The following PARD3B variants were observed in gnomAD, a reference collection of about 807,000 sequenced individuals.
PARD3B encodes par-3 family cell polarity regulator beta, also known as partitioning defective 3 homolog B.
A neutral mutation model predicts 130.2 loss-of-function variants in PARD3B; 103 were observed. The observed-to-expected ratio is 0.79, with a 90% CI of 0.67 to 0.93. PARD3B has a LOEUF of 0.93. PARD3B is among the 40% of genes least tolerant of loss of function. The pLI, the probability that PARD3B is intolerant of heterozygous loss-of-function variation, is 0.00. For synonymous variants in PARD3B, 583 were observed against 553.2 expected, an observed-to-expected ratio of 1.05 and a Z score of -0.76; for missense variants, 1,609 against 1,499.2, an observed-to-expected ratio of 1.07 and a Z score of -1.21.
At chr2:205,329,085 C>T (rs1159130017) in intron 18 of PARD3B, among the ~76,000 whole-genome samples, 2 of 152,094 alleles carry the variant, frequency 1.3e-5, no homozygotes, top group African/African-American at 2.4e-5. Flanking sequence ...GCATGCCATT[C>T]ATTCATCTGA....
rs2040654092 is a variant in PARD3B, at chr2:205,269,915, A to G, written c.2185+24093A>G. ...TATAACATGTAATTTTTTCCCTAGA[A>G]TACAGCAAATAATAACTGAAGATTT... On this transcript the variant is annotated intron_variant, in intron 16 of 22. Transcript: ENST00000406610. The surrounding 1 kb of genome is among the most constrained non-coding windows in gnomAD (Gnocchi z 4.7). Among the ~76,000 whole-genome samples the G allele has an allele frequency of 6.6e-6, 1 of 152,190 alleles. No individual in the cohort carries two copies. Among genetic ancestry groups the G allele is most frequent in the African/African-American group, 2.4e-5 (1 of 41,460 alleles).
chr2:205,552,482 C>T lies in PARD3B; in HGVS notation c.3181-842C>T, dbSNP rs546651626. 2.6e-5 allele frequency among the ~76,000 whole-genome samples: 4 copies of T among 152,132 alleles called. No individual in the cohort carries two copies. In the South Asian group the frequency reaches 8.3e-4, roughly 32 times the overall value. ...GGAGTGCAGTGGCGTGATGTGGGCTCACTGCAACCTCTGCCTCCCGGGTTC... is the reference window on the plus strand; with the variant it reads ...GGAGTGCAGTGGCGTGATGTGGGCTTACTGCAACCTCTGCCTCCCGGGTTC... On this transcript the variant is annotated intron_variant, in intron 21 of 22. Transcript: ENST00000406610.
intron 19 of PARD3B, among the ~76,000 whole-genome samples, chr2:205,426,167 C>T (rs184070039): frequency 1.4e-3 from 211 of 152,116 alleles, no homozygotes; most frequent in Non-Finnish European, 2.5e-3. Context: ...AATATTAATG[C>T]AGTTAAAATA....
At chr2:205,154,342 A>G (rs2033969020) in intron 10 of PARD3B, among the ~76,000 whole-genome samples, 1 of 152,314 alleles carries the variant, frequency 6.6e-6, no homozygotes, top group African/African-American at 2.4e-5. Flanking sequence ...CAAAACCACC[A>G]TGAGACACCA....
chr2:205,381,317 A>G (rs1046865717), intron 18 of PARD3B, among the ~76,000 whole-genome samples: 1 of 147,956 alleles, frequency 6.8e-6, no homozygotes, highest in Non-Finnish European at 1.5e-5. Flanking sequence ...AAAATTCACA[A>G]TTTTTTGTCA....
chr2:205,259,105 T>G (rs2105754887), intron 16 of PARD3B, among the ~76,000 whole-genome samples: 1 of 152,308 alleles, frequency 6.6e-6, no homozygotes, highest in South Asian at 2.1e-4. Flanking sequence ...TTTTGTTTTC[T>G]TTCTTATTTT....
intron 4 of PARD3B, among the ~76,000 whole-genome samples, chr2:205,096,636 A>G (rs773663720): frequency 1.1e-4 from 16 of 152,186 alleles, no homozygotes; most frequent in Non-Finnish European, 1.9e-4. Flanking sequence ...ATATGCATTC[A>G]GGTAATTTAT....
intron 20 of PARD3B, among the ~76,000 whole-genome samples, chr2:205,479,574 A>T (rs4331484): frequency 0.48 from 72,726 of 152,052 alleles, 18,126 homozygotes; most frequent in Admixed American, 0.62. Flanking sequence ...TGTGCTTAGG[A>T]AAAAATGCAC....
intron 3 of PARD3B, among the ~76,000 whole-genome samples, chr2:204,975,741 T>G (rs1354098183): frequency 2.0e-5 from 3 of 152,240 alleles, no homozygotes; most frequent in Non-Finnish European, 2.9e-5. Flanking sequence ...CCCTCTATTC[T>G]GACACAAAAT....
rs543623048 is a variant in PARD3B at position 205,407,730 on chromosome 2, C to T, written c.2741+6607C>T. Among the ~76,000 whole-genome samples the T allele has an allele frequency of 2.0e-5, 3 of 152,102 alleles. No homozygotes were observed. Among genetic ancestry groups the T allele is most frequent in the African/African-American group, 7.2e-5 (3 of 41,490 alleles). On this transcript the variant is annotated intron_variant, in intron 19 of 22. Transcript: ENST00000406610. The surrounding 1 kb of genome is among the most constrained non-coding windows in gnomAD (Gnocchi z 4.1). ...CTGAGAAAAATATCTCCACTGACACCAAAGACTGTCTTCCATTGAAGTCCC... is the reference window on the plus strand; with the variant it reads ...CTGAGAAAAATATCTCCACTGACACTAAAGACTGTCTTCCATTGAAGTCCC...
intron 3 of PARD3B, among the ~76,000 whole-genome samples, chr2:204,998,217 T>A (rs1051700912): frequency 6.8e-6 from 1 of 147,776 alleles, no homozygotes; most frequent in Admixed American, 6.8e-5. Flanking sequence ...ATACCTAATG[T>A]AGATGATGGG....
At position 205,572,194 on chromosome 2, in the gene PARD3B, C is replaced by T. The variant is rs953424933; in HGVS notation, c.3260+18791C>T. Among the ~76,000 whole-genome samples the T allele has an allele frequency of 6.6e-6, 1 of 152,170 alleles. No homozygotes were observed. Among genetic ancestry groups the T allele is most frequent in the African/African-American group, 2.4e-5 (1 of 41,448 alleles). ...CACAGTTCTTATCTCTAGGGATTTTCAGTCTCTGGTACCTTGGGAAGAGAG... is the reference window on the plus strand; with the variant it reads ...CACAGTTCTTATCTCTAGGGATTTTTAGTCTCTGGTACCTTGGGAAGAGAG... On this transcript the variant is annotated intron_variant, in intron 22 of 22. Coordinates refer to ENST00000406610, the MANE Select transcript of PARD3B (RefSeq NM_001302769.2). The surrounding 1 kb of genome is among the most constrained non-coding windows in gnomAD (Gnocchi z 4.2).
At chr2:204,835,925 T>C (rs2044015493) in intron 2 of PARD3B, among the ~76,000 whole-genome samples, 1 of 152,206 alleles carries the variant, frequency 6.6e-6, no homozygotes, top group Non-Finnish European at 1.5e-5. Flanking sequence ...GTATATTAAA[T>C]GCATTTTGAC....
chr2:205,507,442 C>A (rs577447918), intron 21 of PARD3B, among the ~76,000 whole-genome samples: 65 of 151,960 alleles, frequency 4.3e-4, no homozygotes, highest in Admixed American at 1.8e-3. Flanking sequence ...TCTCGATCTC[C>A]TGACCTCGTG....
chr2:205,205,243 C>G (rs913789049), intron 15 of PARD3B, among the ~76,000 whole-genome samples: 1 of 150,944 alleles, frequency 6.6e-6, no homozygotes. Flanking sequence ...TGATTTGGCT[C>G]TCTGTCTGTT....
intron 3 of PARD3B, among the ~76,000 whole-genome samples, chr2:204,970,686 A>T (rs1691627114): frequency 6.6e-6 from 1 of 152,214 alleles, no homozygotes; most frequent in Non-Finnish European, 1.5e-5. Flanking sequence ...TTTCATGGGA[A>T]AATATTTATT....
intron 5 of PARD3B, among the ~76,000 whole-genome samples, chr2:205,106,496 T>C (rs1192370039): frequency 8.2e-6 from 1 of 121,444 alleles, no homozygotes; most frequent in African/African-American, 3.8e-5. Context: ...TGTGTGTGTG[T>C]GTGTGTGTGT....
At chr2:204,985,398 C>G (rs1181747001) in intron 3 of PARD3B, among the ~76,000 whole-genome samples, 1 of 152,124 alleles carries the variant, frequency 6.6e-6, no homozygotes, top group Admixed American at 6.5e-5. Context: ...GGGAGAATGT[C>G]TTCTGTGGAA....
intron 2 of PARD3B, among the ~76,000 whole-genome samples, chr2:204,834,292 G>A (rs948336941): frequency 6.6e-6 from 1 of 152,094 alleles, no homozygotes; most frequent in African/African-American, 2.4e-5. Context: ...TACACATAGT[G>A]CCCAGCACAG....
Sources: gnomAD v4.1 joint callset for allele counts (sites outside exome capture counted in the v4.1 genomes callset) on GRCh38, gnomAD v4.1.1 for gene constraint, Gnocchi (gnomAD v3.1) non-coding constraint, MANE v1.5 for transcripts, NCBI Gene and HGNC (gene_info 2026-07-23, HGNC 2026-07-21) for gene names.